Variants in NRXN2 observed in about 807,000 individuals in gnomAD.
NRXN2 encodes neurexin 2, also known as neurexin-2-beta.
Under a neutral mutation model 128.8 loss-of-function variants are expected in NRXN2, and 29 were observed. The ratio of observed to expected loss-of-function variants is 0.23; its 90% CI spans 0.17 to 0.31. The LOEUF (loss-of-function observed/expected upper bound fraction) is 0.31. Ranked by LOEUF, NRXN2 falls within the 10% of genes least tolerant of loss-of-function variation. NRXN2 has a pLI of 1.00. For synonymous variants in NRXN2, 1,098 were observed against 1,075.2 expected, an observed-to-expected ratio of 1.02 and a Z score of -0.41; for missense variants, 1,881 against 2,452.6, an observed-to-expected ratio of 0.77 and a Z score of 4.92.
chr11:64,690,586 C>A, intron 4 of NRXN2, 110 bp from the exon 5 acceptor site: 1 of 983,770 alleles, frequency 1.0e-6, no homozygotes. Flanking sequence ...CTTGCACGGA[C>A]AGGGGAGGAG....
At chr11:64,677,218 T>C (rs1339524557) in intron 6 of NRXN2, among the ~76,000 whole-genome samples, 181 bp from the exon 7 acceptor site, 1 of 152,106 alleles carries the variant, frequency 6.6e-6, no homozygotes, top group African/African-American at 2.4e-5. Flanking sequence ...CCTCCCACCT[T>C]AGGTTCAGCA....
Position 64,667,226 on chromosome 11 carries a change from G to A in NRXN2, c.1798+24C>T. The stretch of plus-strand genomic sequence containing the variant: ...ATGGAAAGGGGTGGCCCATGGAAGG[G>A]GAAGGGTCCAGAGGCCTCCTGACCT... On this transcript the variant is annotated intron_variant, in intron 9 of 22. Transcript: ENST00000265459. The surrounding 1 kb of genome is among the most constrained non-coding windows in gnomAD (Gnocchi z 5.6). 1 of 1,612,968 alleles carries A rather than the reference G, an allele frequency of 6.2e-7. No individual in the cohort carries two copies. Among genetic ancestry groups the A allele is most frequent in the African/African-American group, 1.3e-5 (1 of 75,010 alleles).
intron 9 of NRXN2, among the ~76,000 whole-genome samples, chr11:64,662,878 G>GA (rs370049464): frequency 1.3e-4 from 20 of 148,322 alleles, no homozygotes; most frequent in East Asian, 1.2e-3. Context: ...ATCCTAGTTA[G>GA]AAAAAAAAAA....
chr11:64,623,145 A>G lies in NRXN2; in HGVS notation c.3848-67T>C. Reference sequence around the variant, plus strand: ...TGAGGGGAGACCAGGAAGGGAAGGAAGAAAAGAAGGAAGCCAAGGAGAGGA... The same window carrying G: ...TGAGGGGAGACCAGGAAGGGAAGGAGGAAAAGAAGGAAGCCAAGGAGAGGA... On this transcript the variant is annotated intron_variant, in intron 20 of 22. Transcript: ENST00000265459. The surrounding 1 kb of genome is among the most constrained non-coding windows in gnomAD (Gnocchi z 4.9). 1 of 1,532,822 alleles carries G rather than the reference A, an allele frequency of 6.5e-7. No homozygotes were observed. 95.0% of individuals were successfully genotyped at this position (1,532,822 alleles called of 1,614,324 possible).
chr11:64,643,963 C>CA (rs2046247532), intron 17 of NRXN2, among the ~76,000 whole-genome samples: 1 of 151,486 alleles, frequency 6.6e-6, no homozygotes, highest in African/African-American at 2.4e-5. Context: ...CCTCGCAACG[C>CA]ACGTGCACAC....
At position 64,667,167 on chromosome 11, in the gene NRXN2, C is replaced by A. The variant is rs2049992337; in HGVS notation, c.1798+83G>T. On this transcript the variant is annotated intron_variant, in intron 9 of 22. Transcript: ENST00000265459. The surrounding 1 kb of genome is among the most constrained non-coding windows in gnomAD (Gnocchi z 5.6). ...ATATAGGAAATGGTGTAGAAGAGAC[C>A]CGCTGAAGAGAGACGGAGAGGATGT... 7.2e-7 allele frequency: 1 copy of A among 1,394,990 alleles called. No homozygotes were observed. Among genetic ancestry groups the A allele is most frequent in the Admixed American group, 1.8e-5 (1 of 57,120 alleles). 86.4% of individuals were successfully genotyped at this position (1,394,990 alleles called of 1,614,324 possible).
intron 2 of NRXN2, among the ~76,000 whole-genome samples, chr11:64,711,324 G>A (rs886280705): frequency 6.6e-6 from 1 of 152,206 alleles, no homozygotes; most frequent in Non-Finnish European, 1.5e-5. Context: ...GAGGGACCAG[G>A]GGAGAGAACG....
At chr11:64,643,181 G>T in intron 17 of NRXN2, 1 of 979,432 alleles carries the variant, frequency 1.0e-6, no homozygotes, top group South Asian at 4.8e-5. Context: ...GGAGGGGAGA[G>T]CGAGGGAAAT....
chr11:64,672,593 C>A (rs1198133251), intron 7 of NRXN2, among the ~76,000 whole-genome samples: 1 of 152,086 alleles, frequency 6.6e-6, no homozygotes, highest in Non-Finnish European at 1.5e-5. Context: ...CTGTGAGAGT[C>A]CATTGCTGTC....
chr11:64,635,445 G>C lies in NRXN2; in HGVS notation c.3411C>G (p.Thr1137=). ...CTCCCCCCTTCCCAAAGATGTATGT[G>C]GTCCCGGCTGCAGAGAGAAGGAAAG... ...YGGPVCNDPG[T]TYIFGKGGAL... Residue 1137 remains threonine, a synonymous_variant, in exon 18 of 23, where the codon ACC becomes ACG. Coordinates refer to ENST00000265459, the MANE Select transcript of NRXN2 (RefSeq NM_015080.4). This position sits in a 1 kb window ranked among gnomAD's most constrained non-coding sequence, Gnocchi z 4.8. 1 of 1,613,786 alleles carries C rather than the reference G, an allele frequency of 6.2e-7. No individual in the cohort carries two copies. Among genetic ancestry groups the C allele is most frequent in the Non-Finnish European group, 8.5e-7 (1 of 1,179,992 alleles).
intron 2 of NRXN2, among the ~76,000 whole-genome samples, chr11:64,705,113 TAGCTTAAGGGAGAAGGTGTGGCCCA>T (rs1442967377): frequency 6.6e-6 from 1 of 152,170 alleles, no homozygotes; most frequent in Non-Finnish European, 1.5e-5. Context: ...CAGCACACAC[TAGCTTAAGGGAGAAGGTGTGGCCCA>T]AGGAATTTAG....
chr11:64,670,315 C>T (rs1291514704), intron 7 of NRXN2, among the ~76,000 whole-genome samples: 1 of 152,126 alleles, frequency 6.6e-6, no homozygotes, highest in Non-Finnish European at 1.5e-5. Flanking sequence ...TTCTTCCCTC[C>T]ACCCCACCCT....
In NRXN2 at chr11:64,607,372, AGAG is replaced by A; in HGVS notation, c.4960_4962del (p.Leu1654del). On this transcript the variant is annotated inframe_deletion, in exon 23 of 23. Transcript: ENST00000265459. ...CGATTGCGGTACTTATACATGGCGT[AGAG>A]GAGGATGAGGATGCAGAGCGCCGCC... 1 of 1,613,766 alleles carries A rather than the reference AGAG, an allele frequency of 6.2e-7. No individual in the cohort carries two copies. The highest frequency in any genetic ancestry group is 8.5e-7 in the Non-Finnish European group (1 of 1,179,940).
In NRXN2 at chr11:64,648,015, G is replaced by A. The variant is rs1440723117; in HGVS notation, c.3403+204C>T. ...GGTCCCCCCAGAGCTTCAGGCAGCA[G>A]CAATCCTGCACAGCCCCAGGAGAAA... On this transcript the variant is annotated intron_variant, in intron 17 of 22. Coordinates refer to ENST00000265459, the MANE Select transcript of NRXN2 (RefSeq NM_015080.4). This position sits in a 1 kb window ranked among gnomAD's most constrained non-coding sequence, Gnocchi z 4.1. 1.3e-5 allele frequency among the ~76,000 whole-genome samples: 2 copies of A among 152,222 alleles called. No homozygotes were observed. The highest frequency in any genetic ancestry group is 1.3e-4 in the Admixed American group (2 of 15,286).
At chr11:64,678,093 C>CTGTTTT (rs1009667532) in intron 6 of NRXN2, among the ~76,000 whole-genome samples, 2 of 152,084 alleles carry the variant, frequency 1.3e-5, no homozygotes, top group East Asian at 1.9e-4. Flanking sequence ...GGCAGCTCCT[C>CTGTTTT]TGTTTTTGTT....
chr11:64,648,469 TG>T lies in NRXN2; in HGVS notation c.3284-132del. ...CTGCCTGGCTGAAAGGGCCAAGTAC[TG>T]ATGACAGGGATTGGGGCAGGAGGGT... On this transcript the variant is annotated intron_variant, in intron 16 of 22. Transcript: ENST00000265459. The surrounding 1 kb of genome is among the most constrained non-coding windows in gnomAD (Gnocchi z 4.1). The T allele has an allele frequency of 6.9e-7, 1 of 1,439,236 alleles. No homozygotes were observed. The highest frequency in any genetic ancestry group is 1.8e-5 in the Admixed American group (1 of 54,920). 89.2% of individuals were successfully genotyped at this position (1,439,236 alleles called of 1,614,324 possible).
At chr11:64,674,491 T>C (rs475704) in intron 7 of NRXN2, among the ~76,000 whole-genome samples, 9,495 of 152,182 alleles carry the variant, frequency 0.062, 1,002 homozygotes, top group African/African-American at 0.22. Flanking sequence ...GCAGGTTGTT[T>C]GCTTCTTAAC....
chr11:64,656,554 G>A (rs1482470434), intron 11 of NRXN2, among the ~76,000 whole-genome samples: 1 of 152,124 alleles, frequency 6.6e-6, no homozygotes, highest in East Asian at 1.9e-4. Context: ...GAGGGATGCT[G>A]AAGGAGGTAA....
chr11:64,713,512 C>T lies in NRXN2; in HGVS notation c.188G>A (p.Arg63His). 3.3e-6 allele frequency: 5 copies of T among 1,515,590 alleles called. No homozygotes were observed. Among genetic ancestry groups the T allele is most frequent in the Non-Finnish European group, 4.4e-6 (5 of 1,140,430 alleles). 93.9% of individuals were successfully genotyped at this position (1,515,590 alleles called of 1,614,324 possible). A position where few individuals can be genotyped will look rare whatever the true frequency, so the allele number is the denominator to read the frequency against. The change falls in exon 2 of 23, where the codon CGC becomes CAC. Residue 63 changes from arginine to histidine, a missense_variant. Coordinates refer to ENST00000265459, the MANE Select transcript of NRXN2 (RefSeq NM_015080.4). ...LSFSLRTNATRALLLYLDDGG... is the reference protein window; with the variant it reads ...LSFSLRTNATHALLLYLDDGG... Reference sequence around the variant, plus strand: ...GTCGTCCAGGTAGAGCAGCAGCGCGCGCGTGGCGTTGGTGCGCAGGCTGAA... The same window carrying T: ...GTCGTCCAGGTAGAGCAGCAGCGCGTGCGTGGCGTTGGTGCGCAGGCTGAA...
Sources: gnomAD v4.1 joint callset for allele counts (sites outside exome capture counted in the v4.1 genomes callset) on GRCh38, gnomAD v4.1.1 for gene constraint, Gnocchi (gnomAD v3.1) non-coding constraint, MANE v1.5 for transcripts, NCBI Gene and HGNC (gene_info 2026-07-23, HGNC 2026-07-21) for gene names.